SMYD3: variants seen among roughly 807,000 people sequenced by gnomAD.
The protein encoded by SMYD3 is SET and MYND domain containing 3.
Under a neutral mutation model 57.7 loss-of-function variants are expected in SMYD3, and 36 were observed. The ratio of observed to expected loss-of-function variants is 0.62; its 90% CI spans 0.48 to 0.82. The LOEUF is 0.82. Ranked by LOEUF, SMYD3 falls within the 40% of genes least tolerant of loss-of-function variation. The pLI is 0.00. For synonymous variants in SMYD3, 211 were observed against 195.0 expected (o/e 1.08, Z -0.68); for missense variants, 515 against 538.8 (o/e 0.96, Z 0.44).
intron 10 of SMYD3, among the ~76,000 whole-genome samples, chr1:245,851,874 T>C (rs892008309): frequency 6.6e-6 from 1 of 152,142 alleles, no homozygotes; most frequent in Non-Finnish European, 1.5e-5. Flanking sequence ...ACTATAGAGA[T>C]GTATGGCCAG....
intron 1 of SMYD3, among the ~76,000 whole-genome samples, chr1:246,393,721 T>C (rs1172097512): frequency 6.7e-6 from 1 of 149,502 alleles, no homozygotes; most frequent in Admixed American, 6.7e-5. Flanking sequence ...CCAGGCATGC[T>C]GGCAGGCACC....
chr1:245,805,138 T>A (rs573343741), intron 10 of SMYD3, among the ~76,000 whole-genome samples: 1 of 151,642 alleles, frequency 6.6e-6, no homozygotes, highest in South Asian at 2.1e-4. Context: ...AAAATAGAAT[T>A]TCCTGGTAAG....
At chr1:246,234,620 G>GAACACACACCACACAGAGGAGAA (rs1558336784) in intron 5 of SMYD3, among the ~76,000 whole-genome samples, 6 of 152,180 alleles carry the variant, frequency 3.9e-5, no homozygotes, top group South Asian at 2.1e-4. Context: ...ACACTGTGAT[G>GAACACACACCACACAGAGGAGAA]GCTATTGGCC....
intron 10 of SMYD3, among the ~76,000 whole-genome samples, chr1:245,768,126 A>G (rs2046192623): frequency 6.6e-6 from 1 of 152,220 alleles, no homozygotes; most frequent in Non-Finnish European, 1.5e-5. Context: ...AAAATCATTC[A>G]ACAAGGCAGT....
At chr1:245,839,064 G>T (rs1298531151) in intron 10 of SMYD3, among the ~76,000 whole-genome samples, 1 of 152,210 alleles carries the variant, frequency 6.6e-6, no homozygotes, top group Non-Finnish European at 1.5e-5. Context: ...TTTCTGGGCG[G>T]TGAGCTCTGC....
chr1:246,354,944 T>G, intron 2 of SMYD3, 87 bp downstream of exon 2: 1 of 1,184,650 alleles, frequency 8.4e-7, no homozygotes, highest in East Asian at 2.3e-5. Flanking sequence ...TGTAAAGAAG[T>G]AGACACAGGC....
chr1:246,293,239 G>T (rs1315434005), intron 5 of SMYD3, among the ~76,000 whole-genome samples: 1 of 152,038 alleles, frequency 6.6e-6, no homozygotes, highest in Non-Finnish European at 1.5e-5. Context: ...AGCACTGACA[G>T]ATATCTTCTG....
intron 5 of SMYD3, among the ~76,000 whole-genome samples, chr1:246,280,367 T>G (rs1459690919): frequency 6.6e-6 from 1 of 152,176 alleles, no homozygotes. Flanking sequence ...AGCCAGTTAG[T>G]GGAGTAAATC....
chr1:246,470,668 A>ATG (rs2067949661), intron 1 of SMYD3, among the ~76,000 whole-genome samples: 2 of 151,420 alleles, frequency 1.3e-5, no homozygotes, highest in Admixed American at 6.6e-5. Context: ...TACAGTGCAT[A>ATG]TGTGTGTATA....
At chr1:246,485,584 C>A (rs1382383032) in intron 1 of SMYD3, among the ~76,000 whole-genome samples, 1 of 150,860 alleles carries the variant, frequency 6.6e-6, no homozygotes, top group Non-Finnish European at 1.5e-5. Flanking sequence ...GTGTTCAAGC[C>A]CAGCCTGGGC....
chr1:246,479,470 C>T (rs141374579), intron 1 of SMYD3, among the ~76,000 whole-genome samples: 2 of 149,158 alleles, frequency 1.3e-5, no homozygotes, highest in South Asian at 2.1e-4. Flanking sequence ...TTAAAATGCA[C>T]GTGATGTGTT....
Position 246,299,462 on chromosome 1 carries a change from C to T in SMYD3, c.531+27739G>A, listed in dbSNP as rs184955945. On this transcript the variant is annotated intron_variant, in intron 5 of 11. Coordinates refer to ENST00000490107, the MANE Select transcript of SMYD3 (RefSeq NM_001167740.2). ...TTCATCAAAGACCCACAAACAGAGC[C>T]ACCATTTGACCCAGCAATCCCATTA... 3.3e-5 allele frequency among the ~76,000 whole-genome samples: 5 copies of T among 152,200 alleles called. No homozygotes were observed. The East Asian group carries it at 9.7e-4, about 29-fold the overall frequency.
At chr1:245,945,181 T>C (rs1024047826) in intron 5 of SMYD3, among the ~76,000 whole-genome samples, 1 of 152,088 alleles carries the variant, frequency 6.6e-6, no homozygotes, top group Non-Finnish European at 1.5e-5. Context: ...GAAACTGTCA[T>C]CAGAGCAAAC....
At chr1:245,852,169 T>C (rs1293099030) in intron 10 of SMYD3, among the ~76,000 whole-genome samples, 1 of 152,228 alleles carries the variant, frequency 6.6e-6, no homozygotes, top group Non-Finnish European at 1.5e-5. Context: ...TCAGAAGAGC[T>C]GCTACATTCA....
At chr1:246,284,339 G>C (rs1352235156) in intron 5 of SMYD3, among the ~76,000 whole-genome samples, 1 of 152,112 alleles carries the variant, frequency 6.6e-6, no homozygotes, top group Non-Finnish European at 1.5e-5. Context: ...AGGGTTACCA[G>C]GTCAGCAACG....
chr1:245,963,412 T>C (rs1190749265), intron 5 of SMYD3, among the ~76,000 whole-genome samples: 3 of 152,268 alleles, frequency 2.0e-5, no homozygotes, highest in Non-Finnish European at 4.4e-5. Flanking sequence ...TGGAAATCAG[T>C]ACCCGGTAGA....
chr1:246,091,662 G>T (rs2060825960), intron 5 of SMYD3, among the ~76,000 whole-genome samples: 1 of 152,164 alleles, frequency 6.6e-6, no homozygotes, highest in African/African-American at 2.4e-5. Flanking sequence ...TACTTGCGTG[G>T]TTTAGACAAT....
rs527885312 is a variant in SMYD3, at chr1:246,180,291, T to C, written c.531+146910A>G. On this transcript the variant is annotated intron_variant, in intron 5 of 11. Coordinates refer to ENST00000490107, the MANE Select transcript of SMYD3 (RefSeq NM_001167740.2). ...TATATGTGTATATATAAACTACTTA[T>C]ATATATATAAGTATATATATAAACT... 1.7e-4 allele frequency among the ~76,000 whole-genome samples: 25 copies of C among 144,862 alleles called. 1 individual carries two copies. Among genetic ancestry groups the C allele is most frequent in the African/African-American group, 5.9e-4 (23 of 39,266 alleles).
intron 5 of SMYD3, among the ~76,000 whole-genome samples, chr1:246,013,487 T>G (rs2059323062): frequency 6.6e-6 from 1 of 152,130 alleles, no homozygotes; most frequent in Non-Finnish European, 1.5e-5. Flanking sequence ...GCCACATAAT[T>G]TTATAATGTA....
Sources: gnomAD v4.1 joint callset for allele counts (sites outside exome capture counted in the v4.1 genomes callset) on GRCh38, gnomAD v4.1.1 for gene constraint, MANE v1.5 for transcripts, NCBI Gene and HGNC (gene_info 2026-07-23, HGNC 2026-07-21) for gene names.